ASNS: variants seen among roughly 807,000 people sequenced by gnomAD.
ASNS encodes asparagine synthetase (glutamine-hydrolyzing), also known as asparagine synthetase [glutamine-hydrolyzing].
ASNS carries 37 observed loss-of-function variants against 62.6 expected under a neutral mutation model. The observed-to-expected ratio is 0.59, with a 90% CI of 0.45 to 0.78. The LOEUF (loss-of-function observed/expected upper bound fraction) is 0.78, where lower values mean the gene tolerates loss of function less well. ASNS is among the 30% of genes least tolerant of loss of function. The probability of loss-of-function intolerance (pLI) is 0.00; values close to 1 mark genes in which losing one functional copy is unlikely to be tolerated. For missense variants in ASNS, 520 were observed against 682.4 expected, an observed-to-expected ratio of 0.76 and a Z score of 2.65; for synonymous variants, 207 against 237.9, an observed-to-expected ratio of 0.87 and a Z score of 1.19.
At position 97,852,281 on chromosome 7, in the gene ASNS, T is replaced by TAGTG; in HGVS notation, c.1660_1663dup (p.Tyr555SerfsTer17). On this transcript the variant is annotated frameshift_variant, in exon 13 of 13. Coordinates refer to ENST00000394308, the MANE Select transcript of ASNS (RefSeq NM_001673.5). LOFTEE classifies it high-confidence loss of function. ...CACCTAAGCTTTGACAGCTGACTTG[T>TAGTG]AGTGGGTCAGCGTGCGGGCAGAAGG... 6.2e-7 allele frequency: 1 copy of TAGTG among 1,614,074 alleles called. No homozygotes were observed.
At chr7:97,895,061 C>T in the ASNS span, among the ~76,000 whole-genome samples, 1 of 152,186 alleles carries the variant, frequency 6.6e-6, no homozygotes, top group Admixed American at 6.5e-5. Flanking sequence ...GCAAAGATGG[C>T]TCAACATACA....
chr7:97,881,692 C>A, the ASNS span, among the ~76,000 whole-genome samples: 3 of 152,136 alleles, frequency 2.0e-5, no homozygotes, highest in Admixed American at 2.0e-4. Flanking sequence ...CGTCTCATCT[C>A]CCCAGGAGAT....
chr7:97,906,998 G>T, the ASNS span, among the ~76,000 whole-genome samples: 1 of 152,260 alleles, frequency 6.6e-6, no homozygotes, highest in Non-Finnish European at 1.5e-5. Flanking sequence ...GCTTTATTCA[G>T]TCTACCAATT....
chr7:97,853,140 G>T lies in ASNS; in HGVS notation c.1396C>A (p.Pro466Thr). The T allele has an allele frequency of 1.2e-6, 2 of 1,611,140 alleles. No individual in the cohort carries two copies. The highest frequency in any genetic ancestry group is 1.7e-6 in the Non-Finnish European group (2 of 1,179,124). Residue 466 changes from proline to threonine, a missense_variant, in exon 12 of 13, where the codon CCA becomes ACA. Transcript: ENST00000394308. Reference protein sequence around the residue: ...NLIPKEILWRPKEAFSDGITS... With the variant: ...NLIPKEILWRTKEAFSDGITS... ...ATTCCATCACTGAAGGCTTCTTTTG[G>T]TCGCCAGAGAATCTCTTTGGGTATC...
chr7:97,901,644 A>G, the ASNS span, among the ~76,000 whole-genome samples: 2 of 152,166 alleles, frequency 1.3e-5, no homozygotes, highest in African/African-American at 2.4e-5. Context: ...CTGTGGCCCA[A>G]TTCCTCAGTC....
intron 3 of ASNS, among the ~76,000 whole-genome samples, chr7:97,867,694 C>A (rs1335441030): frequency 6.6e-6 from 1 of 152,160 alleles, no homozygotes; most frequent in Admixed American, 6.5e-5. Flanking sequence ...CCATTCTTGC[C>A]TTTCCTTTTC....
rs1445933613 is a variant in ASNS at position 97,868,929 on chromosome 7, A to C, written c.228T>G (p.Gly76=). Reference sequence around the variant, plus strand: ...TCACCTTCTTATGGTTGTAGATTTCACCATTGTAACAGAGCCACAAATACG... The same window carrying C: ...TCACCTTCTTATGGTTGTAGATTTCCCCATTGTAACAGAGCCACAAATACG... The part of the protein sequence containing the change: ...KYPYLWLCYN[G]EIYNHKKMQQ... Residue 76 remains glycine (G), a synonymous_variant, in exon 3 of 13, where the codon GGT becomes GGG. Coordinates refer to ENST00000394308, the MANE Select transcript of ASNS (RefSeq NM_001673.5). 1.9e-5 allele frequency: 30 copies of C among 1,614,022 alleles called. No individual in the cohort carries two copies. Among genetic ancestry groups the C allele is most frequent in the Non-Finnish European group, 2.5e-5 (29 of 1,180,056 alleles).
At chr7:97,899,266 G>A in the ASNS span, among the ~76,000 whole-genome samples, 1 of 152,154 alleles carries the variant, frequency 6.6e-6, no homozygotes, top group African/African-American at 2.4e-5. Flanking sequence ...ACAGATGTGA[G>A]CCACTGCACC....
chr7:97,895,695 G>A, the ASNS span, among the ~76,000 whole-genome samples: 1 of 152,176 alleles, frequency 6.6e-6, no homozygotes, highest in African/African-American at 2.4e-5. Flanking sequence ...GGAGGCTGAA[G>A]CAGGAGAATC....
the ASNS span, among the ~76,000 whole-genome samples, chr7:97,924,002 TAAAAG>T: frequency 6.6e-6 from 1 of 151,932 alleles, no homozygotes; most frequent in African/African-American, 2.4e-5. Context: ...TTAATGAAAT[TAAAAG>T]AATTGAGAAG....
chr7:97,897,730 T>C, the ASNS span, among the ~76,000 whole-genome samples: 2 of 152,206 alleles, frequency 1.3e-5, no homozygotes, highest in African/African-American at 4.8e-5. Flanking sequence ...AGATCTACCA[T>C]ATGATGCAGC....
chr7:97,904,879 T>G, the ASNS span, among the ~76,000 whole-genome samples: 1 of 152,242 alleles, frequency 6.6e-6, no homozygotes, highest in Non-Finnish European at 1.5e-5. Flanking sequence ...ATCCTTGACC[T>G]ATGAACATTT....
chr7:97,862,533 A>G (rs1350325981), intron 4 of ASNS, among the ~76,000 whole-genome samples: 3 of 152,176 alleles, frequency 2.0e-5, no homozygotes, highest in Admixed American at 2.0e-4. Flanking sequence ...TAATACTGTA[A>G]TGGTGGGTAC....
rs771782674 is a variant in ASNS at position 97,858,330 on chromosome 7, T to C, written c.851A>G (p.Gln284Arg). 22 of 1,614,028 alleles carry C rather than the reference T, an allele frequency of 1.4e-5. No individual in the cohort carries two copies. The South Asian group carries it at 1.4e-4, about 10-fold the overall frequency. ...GTCTTCCATGCCAATTGCAAATGTC[T>C]GGAGAGGATACTGTACTTGGGCTTC... is the stretch of plus-strand genomic sequence containing the variant. ...LKEAQVQYPL[Q>R]TFAIGMEDSP... Residue 284 changes from glutamine to arginine, a missense_variant, in exon 7 of 13, where the codon CAG becomes CGG. Gln to Arg is a conservative substitution (Grantham distance 43). Transcript: ENST00000394308.
In ASNS at chr7:97,861,023, C is replaced by CTTTTTTTTTTTTT. The variant is rs71108240; in HGVS notation, c.488-1638_488-1626dup. Among the ~76,000 whole-genome samples, 2 of 120,702 alleles carry CTTTTTTTTTTTTT rather than the reference C, an allele frequency of 1.7e-5. 1 individual carries two copies. 79.2% of individuals were successfully genotyped at this position (120,702 alleles called of 152,430 possible). On this transcript the variant is annotated intron_variant, in intron 4 of 12. Coordinates refer to ENST00000394308, the MANE Select transcript of ASNS (RefSeq NM_001673.5). Reference sequence around the variant, plus strand: ...TAGTTCAAAACTGATTCATTTGATCCTTTTTTTTTTTTTTTTTGAGATGAG... The same window carrying CTTTTTTTTTTTTT: ...TAGTTCAAAACTGATTCATTTGATCCTTTTTTTTTTTTTTTTTTTTTTTTTTTTTTGAGATGAG...
At chr7:97,862,257 T>A (rs1791756045) in intron 4 of ASNS, among the ~76,000 whole-genome samples, 1 of 152,074 alleles carries the variant, frequency 6.6e-6, no homozygotes. Context: ...ACCCTAGAAC[T>A]TAAAGTATAA....
intron 4 of ASNS, chr7:97,863,924 C>T (rs1229521372): frequency 4.6e-6 from 1 of 218,654 alleles, no homozygotes; most frequent in Non-Finnish European, 9.0e-6. Context: ...TATAACTGCG[C>T]AAAGTACCAC....
chr7:97,871,137 C>G (rs905667182), intron 1 of ASNS, among the ~76,000 whole-genome samples: 1 of 152,170 alleles, frequency 6.6e-6, no homozygotes, highest in Non-Finnish European at 1.5e-5. Context: ...ATAAACTTAA[C>G]TCAGTATGTC....
At chr7:97,858,441 A>T in intron 6 of ASNS, 36 bp from the exon 7 acceptor site, 1 of 1,613,142 alleles carries the variant, frequency 6.2e-7, no homozygotes. Flanking sequence ...TGTCCTAGTT[A>T]TGTGCCTTGC....
Sources: allele counts gnomAD v4.1 joint callset (sites outside exome capture counted in the v4.1 genomes callset), GRCh38; gene constraint gnomAD v4.1.1; transcripts MANE v1.5; gene names NCBI Gene and HGNC (gene_info 2026-07-23, HGNC 2026-07-21).